TRPM6: variants seen among roughly 807,000 people sequenced by gnomAD.
TRPM6 encodes the protein channel kinase 2.
In TRPM6, 111 loss-of-function variants were observed where a neutral mutation model predicts 247.6. That is an observed-to-expected ratio of 0.45 (90% CI 0.38 to 0.52). The LOEUF is 0.52. Ranked by LOEUF, TRPM6 falls within the 20% of genes least tolerant of loss-of-function variation. The pLI is 0.00. For missense variants in TRPM6, 2,126 were observed against 2,421.5 expected (o/e 0.88, Z 2.56); for synonymous variants, 892 against 853.8 (o/e 1.04, Z -0.78).
intron 6 of TRPM6, among the ~76,000 whole-genome samples, chr9:74,832,302 G>A (rs1564035524): frequency 6.6e-6 from 1 of 151,992 alleles, no homozygotes; most frequent in African/African-American, 2.4e-5. Context: ...TAGATTAAAA[G>A]TGACAAAAAT....
intron 18 of TRPM6, 88 bp downstream of exon 18, chr9:74,796,653 G>A: frequency 7.3e-7 from 1 of 1,373,444 alleles, no homozygotes; most frequent in Non-Finnish European, 1.0e-6. Flanking sequence ...TTGTTTAATA[G>A]ATGGCTATAT....
chr9:74,822,229 A>G (rs1829155010), intron 7 of TRPM6, among the ~76,000 whole-genome samples: 1 of 152,190 alleles, frequency 6.6e-6, no homozygotes, highest in Non-Finnish European at 1.5e-5. Context: ...AACCAGTTCA[A>G]CAAACATTTT....
At chr9:74,799,878 A>AT (rs761379924) in intron 17 of TRPM6, 1 of 295,066 alleles carries the variant, frequency 3.4e-6, no homozygotes, top group Non-Finnish European at 6.6e-6. Context: ...TTCTGTGAGA[A>AT]TCAAATATAT....
chr9:74,840,750 G>A (rs1485402159), intron 4 of TRPM6, among the ~76,000 whole-genome samples: 1 of 149,644 alleles, frequency 6.7e-6, no homozygotes, highest in Non-Finnish European at 1.5e-5. Flanking sequence ...CCAGGAGGCG[G>A]AGGTTGCAGT....
intron 25 of TRPM6, among the ~76,000 whole-genome samples, chr9:74,768,173 C>T (rs7864899): frequency 0.022 from 3,411 of 152,204 alleles, 133 homozygotes; most frequent in African/African-American, 0.078. Context: ...GTTTATGATA[C>T]CGCCTTCTTC....
At chr9:74,782,959 C>G in intron 21 of TRPM6, 106 bp from the exon 22 acceptor site, 1 of 1,116,244 alleles carries the variant, frequency 9.0e-7, no homozygotes, top group South Asian at 1.3e-5. Context: ...ATAAGATTGT[C>G]TAGTCATTGA....
intron 11 of TRPM6, among the ~76,000 whole-genome samples, chr9:74,814,216 A>T (rs1227469428): frequency 6.6e-6 from 1 of 152,178 alleles, no homozygotes; most frequent in Non-Finnish European, 1.5e-5. Context: ...ACAAATTTAC[A>T]TGTGCTCAAT....
chr9:74,770,896 C>G (rs1827009360), intron 25 of TRPM6, among the ~76,000 whole-genome samples: 1 of 152,176 alleles, frequency 6.6e-6, no homozygotes, highest in Admixed American at 6.5e-5. Context: ...CTTCCCTGCA[C>G]CGTAATACTT....
chr9:74,780,741 A>G (rs1827409053), intron 23 of TRPM6, among the ~76,000 whole-genome samples: 1 of 152,180 alleles, frequency 6.6e-6, no homozygotes, highest in Non-Finnish European at 1.5e-5. Context: ...GGTTGAGTTA[A>G]CAGAAGTTCC....
chr9:74,840,739 C>T (rs1175000594), intron 4 of TRPM6, among the ~76,000 whole-genome samples: 4 of 151,374 alleles, frequency 2.6e-5, no homozygotes, highest in Admixed American at 2.0e-4. Context: ...ACCGCTTGAG[C>T]CCAGGAGGCG....
chr9:74,830,842 C>T (rs964322209), intron 6 of TRPM6, among the ~76,000 whole-genome samples: 5 of 146,940 alleles, frequency 3.4e-5, no homozygotes, highest in Non-Finnish European at 5.9e-5. Context: ...AGCAATCCGC[C>T]GGCCTCGGCC....
intron 25 of TRPM6, among the ~76,000 whole-genome samples, chr9:74,770,455 C>A (rs1383969259): frequency 6.6e-6 from 1 of 152,176 alleles, no homozygotes; most frequent in African/African-American, 2.4e-5. Flanking sequence ...CGATGCCATG[C>A]ACCCACAATT....
In TRPM6 at chr9:74,839,855, G is replaced by GAGGAAGGA. The variant is rs527635762; in HGVS notation, c.544+161_544+168dup. 0.075 allele frequency among the ~76,000 whole-genome samples: 5,421 copies of GAGGAAGGA among 72,364 alleles called. 426 individuals carry two copies. The highest frequency in any genetic ancestry group is 0.12 in the African/African-American group (1,640 of 14,224). 47.5% of individuals were successfully genotyped at this position (72,364 alleles called of 152,430 possible). On this transcript the variant is annotated intron_variant, in intron 5 of 38. Coordinates refer to ENST00000360774, the MANE Select transcript of TRPM6 (RefSeq NM_017662.5). ...AGAAAAAAGAAAAAGAGAAGAGAGAGAGGAAGGAAGGAAGGAAGGAAGGAA... is the reference window on the plus strand; with the variant it reads ...AGAAAAAAGAAAAAGAGAAGAGAGAGAGGAAGGAAGGAAGGAAGGAAGGAAGGAAGGAA...
chr9:74,730,196 C>T (rs1389684215), intron 37 of TRPM6, among the ~76,000 whole-genome samples: 2 of 152,152 alleles, frequency 1.3e-5, no homozygotes, highest in African/African-American at 2.4e-5. Flanking sequence ...TGCGAGGAAA[C>T]GCTAATTAGT....
chr9:74,849,994 G>A (rs11144113), intron 3 of TRPM6, among the ~76,000 whole-genome samples: 56,733 of 152,194 alleles, frequency 0.37, 10,779 homozygotes, highest in East Asian at 0.5. Context: ...TTGTGCATCT[G>A]CTGTATTGAG....
At chr9:74,866,691 G>T (rs949832438) in intron 1 of TRPM6, among the ~76,000 whole-genome samples, 2 of 152,108 alleles carry the variant, frequency 1.3e-5, no homozygotes, top group Non-Finnish European at 2.9e-5. Flanking sequence ...ATGTTGGCCA[G>T]GCTGGTCTTG....
chr9:74,781,593 G>A (rs905940134), intron 23 of TRPM6, among the ~76,000 whole-genome samples: 6 of 148,356 alleles, frequency 4.0e-5, no homozygotes, highest in Non-Finnish European at 7.5e-5. Context: ...AAAAGGAAAC[G>A]AAAGAGAGGA....
At chr9:74,843,493 T>C (rs1471332442) in intron 3 of TRPM6, among the ~76,000 whole-genome samples, 1 of 152,100 alleles carries the variant, frequency 6.6e-6, no homozygotes, top group East Asian at 1.9e-4. Flanking sequence ...GCTAAAGTCA[T>C]ACCAAATGTA....
chr9:74,827,592 T>C (rs1829383277), intron 7 of TRPM6, 186 bp downstream of exon 7: 5 of 706,222 alleles, frequency 7.1e-6, no homozygotes, highest in African/African-American at 3.5e-5. Context: ...CGAAGTGTCA[T>C]TTGGATTGGA....
Sources: gnomAD v4.1 joint callset for allele counts (sites outside exome capture counted in the v4.1 genomes callset) on GRCh38, gnomAD v4.1.1 for gene constraint, MANE v1.5 for transcripts, NCBI Gene and HGNC (gene_info 2026-07-23, HGNC 2026-07-21) for gene names.